PRTFDC1: variants seen among roughly 807,000 people sequenced by gnomAD.
PRTFDC1 encodes the protein phosphoribosyl transferase domain containing 1, also known as phosphoribosyltransferase domain-containing protein 1.
A neutral mutation model predicts 34.6 loss-of-function variants in PRTFDC1; 38 were observed. The ratio of observed to expected loss-of-function variants is 1.10; its 90% CI spans 0.85 to 1.44. The LOEUF (loss-of-function observed/expected upper bound fraction) is 1.44. PRTFDC1 is among the 40% of genes most tolerant of loss of function. PRTFDC1 has a pLI of 0.00. For synonymous variants in PRTFDC1, 93 were observed against 98.1 expected, an observed-to-expected ratio of 0.95 and a Z score of 0.31; for missense variants, 270 against 283.0, an observed-to-expected ratio of 0.95 and a Z score of 0.33.
intron 7 of PRTFDC1, 98 bp from the exon 8 acceptor site, chr10:24,851,562 C>T (rs1001262497): frequency 6.6e-7 from 1 of 1,517,510 alleles, no homozygotes; most frequent in Non-Finnish European, 8.8e-7. Flanking sequence ...AACTTGAGGA[C>T]CTTTCATTGA....
At chr10:24,937,971 TC>T (rs1388358297) in intron 2 of PRTFDC1, among the ~76,000 whole-genome samples, 1 of 151,882 alleles carries the variant, frequency 6.6e-6, no homozygotes, top group Non-Finnish European at 1.5e-5. Context: ...ACACCTGTAA[TC>T]CCAGCACTTT....
At chr10:24,920,119 C>A (rs1482597982) in intron 3 of PRTFDC1, among the ~76,000 whole-genome samples, 1 of 152,048 alleles carries the variant, frequency 6.6e-6, no homozygotes, top group African/African-American at 2.4e-5. Flanking sequence ...AATCCCATGG[C>A]TGGGTATATA....
At chr10:24,914,847 T>G (rs1263287100) in intron 3 of PRTFDC1, among the ~76,000 whole-genome samples, 1 of 152,182 alleles carries the variant, frequency 6.6e-6, no homozygotes, top group Non-Finnish European at 1.5e-5. Context: ...CTAGCTAAGA[T>G]GTAAGAATAA....
intron 7 of PRTFDC1, among the ~76,000 whole-genome samples, chr10:24,852,676 T>C (rs1219558894): frequency 6.6e-6 from 1 of 152,198 alleles, no homozygotes. Context: ...AAAGGTGCAC[T>C]GGTCCAGTGA....
At chr10:24,935,799 G>T (rs977396868) in intron 3 of PRTFDC1, among the ~76,000 whole-genome samples, 1 of 152,194 alleles carries the variant, frequency 6.6e-6, no homozygotes, top group African/African-American at 2.4e-5. Flanking sequence ...AACGACCTGT[G>T]GGGTAATTGA....
At chr10:24,949,739 ATTTT>A (rs201933925) in intron 1 of PRTFDC1, among the ~76,000 whole-genome samples, 3,849 of 116,942 alleles carry the variant, frequency 0.033, 145 homozygotes, top group Admixed American at 0.1. Flanking sequence ...TTATTTATTT[ATTTT>A]TTTTTTTTTT....
rs1293846160 is a variant in PRTFDC1, at chr10:24,849,578, A to C, written c.*266T>G. 5.2e-6 allele frequency: 2 copies of C among 385,762 alleles called. No homozygotes were observed. The highest frequency in any genetic ancestry group is 4.0e-5 in the East Asian group (1 of 25,250). 23.9% of individuals were successfully genotyped at this position (385,762 alleles called of 1,614,324 possible). On this transcript the variant is annotated 3_prime_UTR_variant, in exon 9 of 9. Coordinates refer to ENST00000320152, the MANE Select transcript of PRTFDC1 (RefSeq NM_020200.7). ...AAAACAAAGGAAGGCGGAGCTCAGG[A>C]GTGTGAAGGTAGATAGCATTGCTGA...
At chr10:24,934,813 G>A (rs1322076169) in intron 3 of PRTFDC1, among the ~76,000 whole-genome samples, 1 of 152,202 alleles carries the variant, frequency 6.6e-6, no homozygotes, top group Non-Finnish European at 1.5e-5. Flanking sequence ...AGGATCTCCT[G>A]AGGGCTGTGT....
At chr10:24,908,636 G>T in intron 3 of PRTFDC1, 1 of 1,611,990 alleles carries the variant, frequency 6.2e-7, no homozygotes. Context: ...TTGACTGAAG[G>T]CCAGTCCTCC....
intron 3 of PRTFDC1, among the ~76,000 whole-genome samples, chr10:24,887,726 C>T (rs1848194640): frequency 6.6e-6 from 1 of 152,088 alleles, no homozygotes; most frequent in African/African-American, 2.4e-5. Context: ...CTTAGATATC[C>T]AAATTAAGTT....
chr10:24,924,028 C>T (rs905417745), intron 3 of PRTFDC1, among the ~76,000 whole-genome samples: 7 of 151,936 alleles, frequency 4.6e-5, no homozygotes, highest in African/African-American at 1.7e-4. Flanking sequence ...ATAGCTGATT[C>T]GATCAAGTAG....
intron 3 of PRTFDC1, among the ~76,000 whole-genome samples, chr10:24,875,616 C>T (rs56291772): frequency 6.6e-6 from 1 of 151,666 alleles, no homozygotes; most frequent in Non-Finnish European, 1.5e-5. Context: ...TTATATCTTC[C>T]AAGTGGGTAT....
At position 24,952,228 on chromosome 10, in the gene PRTFDC1, G is replaced by A. The variant is rs1158567208; in HGVS notation, c.48+300C>T. Among the ~76,000 whole-genome samples the A allele has an allele frequency of 6.6e-6, 1 of 152,194 alleles. No homozygotes were observed. Among genetic ancestry groups the A allele is most frequent in the Non-Finnish European group, 1.5e-5 (1 of 68,030 alleles). ...GCCGGGCTCGCAGAAGCGACTCCCC[G>A]TGGCTCGCGGGGATGGGGACGGCTG... is the stretch of plus-strand genomic sequence containing the variant. On this transcript the variant is annotated intron_variant, in intron 1 of 8. Coordinates refer to ENST00000320152, the MANE Select transcript of PRTFDC1 (RefSeq NM_020200.7). This position sits in a 1 kb window ranked among gnomAD's most constrained non-coding sequence, Gnocchi z 5.1.
chr10:24,893,433 C>T (rs61854283), intron 3 of PRTFDC1, among the ~76,000 whole-genome samples: 10,762 of 152,098 alleles, frequency 0.071, 443 homozygotes, highest in Middle Eastern at 0.14. Context: ...GGACTACAGG[C>T]GAGTGCCACC....
intron 4 of PRTFDC1, among the ~76,000 whole-genome samples, chr10:24,862,309 T>C (rs537529370): frequency 6.6e-6 from 1 of 152,316 alleles, no homozygotes; most frequent in African/African-American, 2.4e-5. Flanking sequence ...ATACCATGGA[T>C]TGGATCTTCC....
chr10:24,886,362 T>C (rs947044907), intron 3 of PRTFDC1, among the ~76,000 whole-genome samples: 7 of 152,208 alleles, frequency 4.6e-5, no homozygotes, highest in African/African-American at 1.7e-4. Context: ...GTAACCTGGT[T>C]AAGTAACTTT....
chr10:24,855,335 T>A lies in PRTFDC1; in HGVS notation c.536A>T (p.Asp179Val), dbSNP rs529605493. 12 of 1,614,034 alleles carry A rather than the reference T, an allele frequency of 7.4e-6. No individual in the cohort carries two copies. The African/African-American group carries it at 1.6e-4, about 22-fold the overall frequency. ...ACACTTACAGTCAGGTCTAAAGCCG[T>A]CACTTCTGGATGTTCTCTTCACCAA... ...SLLVKRTSRS[D>V]GFRPDYAGFE... The change falls in exon 7 of 9, where the codon GAC (aspartate) becomes GTC (valine). Residue 179 changes from aspartate to valine, a missense_variant. Coordinates refer to ENST00000320152, the MANE Select transcript of PRTFDC1 (RefSeq NM_020200.7).
chr10:24,937,252 T>C lies in PRTFDC1; in HGVS notation c.271A>G (p.Asn91Asp). The C allele has an allele frequency of 6.2e-7, 1 of 1,614,060 alleles. No individual in the cohort carries two copies. Among genetic ancestry groups the C allele is most frequent in the South Asian group, 1.1e-5 (1 of 91,068 alleles). ...FCADLVEHLK[N>D]ISRNSDRFVS... ...AATCGATCTGAATTTCGGCTGATGT[T>C]CTTAAGGTGTTCTACGAGATCAGCA... Residue 91 changes from asparagine to aspartate, a missense_variant, in exon 3 of 9, where the codon AAC becomes GAC. Transcript: ENST00000320152.
intron 3 of PRTFDC1, among the ~76,000 whole-genome samples, chr10:24,887,016 T>C (rs1353649521): frequency 7.0e-6 from 1 of 142,112 alleles, no homozygotes; most frequent in African/African-American, 2.6e-5. Context: ...CAGGTCGGAC[T>C]GCGGACTGCA....
Sources: gnomAD v4.1 joint callset for allele counts (sites outside exome capture counted in the v4.1 genomes callset) on GRCh38, gnomAD v4.1.1 for gene constraint, Gnocchi (gnomAD v3.1) non-coding constraint, MANE v1.5 for transcripts, NCBI Gene and HGNC (gene_info 2026-07-23, HGNC 2026-07-21) for gene names.